MAN1A2: variants seen among roughly 807,000 people sequenced by gnomAD.
MAN1A2 encodes mannosyl-oligosaccharide 1,2-alpha-mannosidase IB.
Under a neutral mutation model 75.7 loss-of-function variants are expected in MAN1A2, and 26 were observed. That is an observed-to-expected ratio of 0.34 (90% CI 0.25 to 0.48). The LOEUF (loss-of-function observed/expected upper bound fraction) is 0.48, where lower values mean the gene tolerates loss of function less well. Ranked by LOEUF, MAN1A2 falls within the 20% of genes least tolerant of loss-of-function variation. MAN1A2 has a pLI of 0.99. For missense variants in MAN1A2, 562 were observed against 775.5 expected (o/e 0.72, Z 3.27); for synonymous variants, 247 against 264.6 (o/e 0.93, Z 0.65).
chr1:117,403,422 A>T (rs1034428327), intron 2 of MAN1A2, among the ~76,000 whole-genome samples: 2 of 152,156 alleles, frequency 1.3e-5, no homozygotes, highest in African/African-American at 4.8e-5. Flanking sequence ...AGAGACAGTG[A>T]TAGATTTTTT....
chr1:117,484,733 A>G (rs977443232), intron 8 of MAN1A2, among the ~76,000 whole-genome samples: 2 of 152,008 alleles, frequency 1.3e-5, no homozygotes, highest in East Asian at 1.9e-4. Context: ...TCTCTTGACT[A>G]TCAATGGCAC....
chr1:117,462,833 C>G (rs1352900213), intron 7 of MAN1A2, among the ~76,000 whole-genome samples: 1 of 152,090 alleles, frequency 6.6e-6, no homozygotes, highest in Non-Finnish European at 1.5e-5. Context: ...TTTGCTTTCA[C>G]AAAGTCAAGA....
chr1:117,385,235 G>A (rs995126915), intron 1 of MAN1A2, among the ~76,000 whole-genome samples: 4 of 152,132 alleles, frequency 2.6e-5, no homozygotes, highest in Admixed American at 6.6e-5. Flanking sequence ...AGGTAGATGA[G>A]CAGGAGGGCA....
At chr1:117,477,096 A>G (rs1650338181) in intron 8 of MAN1A2, among the ~76,000 whole-genome samples, 2 of 151,958 alleles carry the variant, frequency 1.3e-5, no homozygotes, top group African/African-American at 2.4e-5. Flanking sequence ...GAAGAAGTCG[A>G]ATCCCTGAAT....
At chr1:117,409,867 A>C (rs1647749188) in intron 3 of MAN1A2, among the ~76,000 whole-genome samples, 2 of 152,072 alleles carry the variant, frequency 1.3e-5, no homozygotes, top group African/African-American at 2.4e-5. Flanking sequence ...CATAGACATA[A>C]GAATATTTAA....
chr1:117,490,696 C>G (rs1456179363), intron 8 of MAN1A2, among the ~76,000 whole-genome samples: 2 of 152,040 alleles, frequency 1.3e-5, no homozygotes. Context: ...GAAGGCATGT[C>G]AAAAGCCAAG....
rs979482834 is a variant in MAN1A2, at chr1:117,524,123, A to G, written c.*1166A>G. 2 of 152,164 alleles carry G rather than the reference A, an allele frequency of 1.3e-5. No individual in the cohort carries two copies. Among genetic ancestry groups the G allele is most frequent in the Non-Finnish European group, 1.5e-5 (1 of 67,790 alleles). The allele number at this position is 152,164 out of a possible 1,614,324, so 9.4% of individuals were successfully genotyped here. Reference sequence around the variant, plus strand: ...TTTTATGTTTTTTTAATTTTCTCCAAGAATATTTATAGAATTCCAAAGAAT... The same window carrying G: ...TTTTATGTTTTTTTAATTTTCTCCAGGAATATTTATAGAATTCCAAAGAAT... On this transcript the variant is annotated 3_prime_UTR_variant, in exon 13 of 13. Coordinates refer to ENST00000356554, the MANE Select transcript of MAN1A2 (RefSeq NM_006699.5).
At chr1:117,381,568 C>G (rs1337638842) in intron 1 of MAN1A2, among the ~76,000 whole-genome samples, 3 of 152,106 alleles carry the variant, frequency 2.0e-5, no homozygotes, top group Non-Finnish European at 2.9e-5. Flanking sequence ...GCCACATTTT[C>G]TTAATCCAGT....
rs781248646 is a variant in MAN1A2 at position 117,522,913 on chromosome 1, C to G, written c.1882C>G (p.His628Asp). 9 of 1,611,844 alleles carry G rather than the reference C, an allele frequency of 5.6e-6. No individual in the cohort carries two copies. The East Asian group carries it at 2.0e-4, about 36-fold the overall frequency. ...NTEAHPLPVL[H>D]LANTTLSGNP... is the part of the protein sequence containing the mutation. ...AGAGGCTCACCCTCTGCCTGTGTTA[C>G]ATTTAGCCAACACCACACTTTCAGG... Residue 628 changes from histidine (H) to aspartate (D), a missense_variant, in exon 13 of 13, where the codon CAT becomes GAT. By Grantham distance (81) the His-to-Asp change is moderately conservative. Around this residue, in one of 2 missense-constraint regions of MAN1A2, gnomAD observed 434 missense variants for 645.7 expected, o/e 0.67. Transcript: ENST00000356554.
intron 1 of MAN1A2, among the ~76,000 whole-genome samples, chr1:117,394,016 T>A (rs1284290078): frequency 6.6e-6 from 1 of 152,128 alleles, no homozygotes; most frequent in African/African-American, 2.4e-5. Context: ...TGAGCTCTTA[T>A]TTATTTGTTG....
chr1:117,502,442 C>G (rs1488916538), intron 11 of MAN1A2, among the ~76,000 whole-genome samples: 1 of 151,544 alleles, frequency 6.6e-6, no homozygotes, highest in Non-Finnish European at 1.5e-5. Context: ...TATTTTTTAG[C>G]ATGTTGTGGG....
intron 11 of MAN1A2, among the ~76,000 whole-genome samples, chr1:117,502,073 G>T (rs538349804): frequency 2.6e-4 from 40 of 151,830 alleles, no homozygotes; most frequent in Admixed American, 2.2e-3. Flanking sequence ...GATGCAAAAA[G>T]AGTAAGAATT....
intron 1 of MAN1A2, among the ~76,000 whole-genome samples, chr1:117,391,657 C>G (rs2101740333): frequency 6.6e-6 from 1 of 152,300 alleles, no homozygotes; most frequent in East Asian, 1.9e-4. Flanking sequence ...TAGGTGGGAG[C>G]TATGCCTCCT....
intron 5 of MAN1A2, among the ~76,000 whole-genome samples, chr1:117,440,513 T>C (rs1000009362): frequency 6.6e-6 from 1 of 152,132 alleles, no homozygotes; most frequent in Admixed American, 6.6e-5. Context: ...TAAAATATAT[T>C]GTTAAAGAGT....
chr1:117,506,155 A>C (rs1651355716), intron 12 of MAN1A2, among the ~76,000 whole-genome samples: 2 of 151,534 alleles, frequency 1.3e-5, no homozygotes, highest in East Asian at 3.9e-4. Context: ...ATATTTCTCA[A>C]ATATCAGTTA....
chr1:117,476,538 G>A (rs1650319831), intron 8 of MAN1A2, among the ~76,000 whole-genome samples: 1 of 152,046 alleles, frequency 6.6e-6, no homozygotes, highest in South Asian at 2.1e-4. Flanking sequence ...TTTTGTCTAA[G>A]GTGTAAGGAA....
chr1:117,456,125 A>G (rs1207014817), intron 6 of MAN1A2, among the ~76,000 whole-genome samples: 1 of 152,088 alleles, frequency 6.6e-6, no homozygotes, highest in East Asian at 1.9e-4. Context: ...AATTGGATGT[A>G]TGGACTAAGG....
intron 12 of MAN1A2, among the ~76,000 whole-genome samples, chr1:117,519,236 G>A (rs985091026): frequency 2.0e-5 from 3 of 152,022 alleles, no homozygotes; most frequent in Non-Finnish European, 2.9e-5. Context: ...CAGAAAGACC[G>A]AAAGAGCACT....
chr1:117,521,176 AG>A (rs1196219622), intron 12 of MAN1A2, among the ~76,000 whole-genome samples: 1 of 152,048 alleles, frequency 6.6e-6, no homozygotes, highest in African/African-American at 2.4e-5. Context: ...AGATGGATTA[AG>A]GACTTTCAGA....
Sources: gnomAD v4.1 joint callset for allele counts (sites outside exome capture counted in the v4.1 genomes callset) on GRCh38, gnomAD v4.1.1 for gene constraint, gnomAD v4.1.1 regional missense constraint, MANE v1.5 for transcripts, NCBI Gene and HGNC (gene_info 2026-07-23, HGNC 2026-07-21) for gene names.